Variants in MYO1D observed in about 807,000 individuals in gnomAD.
MYO1D encodes the protein unconventional myosin-Id.
A neutral mutation model predicts 122.0 loss-of-function variants in MYO1D; 83 were observed. That is an observed-to-expected ratio of 0.68 (90% CI 0.57 to 0.82). MYO1D has a LOEUF of 0.82. Among genes scored for constraint, MYO1D ranks in the 40% least tolerant of loss-of-function variants. MYO1D has a pLI of 0.00. For missense variants in MYO1D, 1,157 were observed against 1,269.5 expected, an observed-to-expected ratio of 0.91 and a Z score of 1.35; for synonymous variants, 464 against 446.9, an observed-to-expected ratio of 1.04 and a Z score of -0.48.
At chr17:32,712,272 A>T in intron 15 of MYO1D, 77 bp from the exon 16 acceptor site, 1 of 1,329,314 alleles carries the variant, frequency 7.5e-7, no homozygotes, top group Non-Finnish European at 1.1e-6. Flanking sequence ...AATAAAATGC[A>T]AGACACCTCA....
intron 20 of MYO1D, among the ~76,000 whole-genome samples, chr17:32,629,834 G>T (rs1402316878): frequency 6.6e-6 from 1 of 152,180 alleles, no homozygotes; most frequent in Non-Finnish European, 1.5e-5. Context: ...AGACTAAAGG[G>T]AAAAGGAAGT....
chr17:32,531,014 A>G (rs1409609232), intron 21 of MYO1D, among the ~76,000 whole-genome samples: 3 of 151,632 alleles, frequency 2.0e-5, no homozygotes, highest in East Asian at 3.9e-4. Context: ...TGGAGAACTG[A>G]TCCTCCCTCA....
intron 16 of MYO1D, among the ~76,000 whole-genome samples, chr17:32,675,594 T>C (rs1370318227): frequency 6.6e-6 from 1 of 152,178 alleles, no homozygotes; most frequent in Non-Finnish European, 1.5e-5. Context: ...CTGTTGAATC[T>C]ATTATTTTAA....
intron 1 of MYO1D, among the ~76,000 whole-genome samples, chr17:32,790,002 A>G (rs1050379707): frequency 9.2e-5 from 14 of 152,226 alleles, no homozygotes; most frequent in African/African-American, 3.1e-4. Flanking sequence ...TTCAATAAAA[A>G]TGTCTCATTC....
At chr17:32,523,020 T>A (rs1365440560) in intron 21 of MYO1D, among the ~76,000 whole-genome samples, 2 of 152,188 alleles carry the variant, frequency 1.3e-5, no homozygotes, top group Non-Finnish European at 1.5e-5. Context: ...TTTCACCATG[T>A]TAGCCAGGAT....
chr17:32,502,322 T>C (rs1220095685), intron 21 of MYO1D, among the ~76,000 whole-genome samples: 1 of 152,210 alleles, frequency 6.6e-6, no homozygotes, highest in African/African-American at 2.4e-5. Flanking sequence ...GGCTACATAT[T>C]GTATAACTAC....
rs1436417828 is a variant in MYO1D, at chr17:32,766,653, G to A, written c.831+983C>T. Among the ~76,000 whole-genome samples, 16 of 152,074 alleles carry A rather than the reference G, an allele frequency of 1.1e-4. 1 individual carries two copies. The highest frequency in any genetic ancestry group is 9.8e-4 in the Admixed American group (15 of 15,266). ...TAAAAATAAAAAAAATTAGCCAGGC[G>A]TGGTGGCAGGCGCCTGTAGTCCCAG... is the stretch of plus-strand genomic sequence containing the variant. On this transcript the variant is annotated intron_variant, in intron 7 of 21. Transcript: ENST00000318217.
At chr17:32,709,916 A>C (rs1250369434) in intron 16 of MYO1D, among the ~76,000 whole-genome samples, 1 of 152,142 alleles carries the variant, frequency 6.6e-6, no homozygotes, top group Non-Finnish European at 1.5e-5. Flanking sequence ...ATTAACCATG[A>C]ATTCATAGGG....
At chr17:32,553,439 C>T (rs1459721546) in intron 21 of MYO1D, among the ~76,000 whole-genome samples, 4 of 152,056 alleles carry the variant, frequency 2.6e-5, no homozygotes, top group African/African-American at 9.7e-5. Flanking sequence ...GTGGAGGAAG[C>T]AGTGTGTGCA....
intron 20 of MYO1D, among the ~76,000 whole-genome samples, chr17:32,626,851 A>G (rs1006370881): frequency 1.3e-5 from 2 of 152,222 alleles, no homozygotes; most frequent in African/African-American, 4.8e-5. Flanking sequence ...AAGTATTTTA[A>G]AACGACGTGG....
intron 21 of MYO1D, among the ~76,000 whole-genome samples, chr17:32,557,276 G>T (rs1337062050): frequency 3.3e-5 from 5 of 151,744 alleles, no homozygotes. Flanking sequence ...CCGCTACCAC[G>T]CCCGGCTAAT....
At chr17:32,745,327 G>A in intron 12 of MYO1D, 42 bp from the exon 13 acceptor site, 1 of 1,295,436 alleles carries the variant, frequency 7.7e-7, no homozygotes, top group East Asian at 2.4e-5. Context: ...CATTTACCAA[G>A]CAAGAGCCAC....
chr17:32,741,933 T>G (rs1333871461), intron 13 of MYO1D, among the ~76,000 whole-genome samples: 1 of 148,218 alleles, frequency 6.7e-6, no homozygotes, highest in Non-Finnish European at 1.5e-5. Flanking sequence ...GAGAATGGCA[T>G]GAACCTGGGA....
chr17:32,843,696 A>G (rs1403816804), intron 1 of MYO1D, among the ~76,000 whole-genome samples: 2 of 152,230 alleles, frequency 1.3e-5, no homozygotes, highest in Non-Finnish European at 2.9e-5. Flanking sequence ...GATCCTACAG[A>G]CAAGGTGTAA....
At chr17:32,600,180 C>G (rs111841132) in intron 21 of MYO1D, among the ~76,000 whole-genome samples, 39 of 152,278 alleles carry the variant, frequency 2.6e-4, no homozygotes, top group African/African-American at 8.9e-4. Flanking sequence ...TTAAAATATT[C>G]AGCAAACTAT....
intron 21 of MYO1D, among the ~76,000 whole-genome samples, chr17:32,604,197 A>G (rs1038956922): frequency 8.4e-6 from 1 of 119,572 alleles, no homozygotes; most frequent in Non-Finnish European, 1.9e-5. Context: ...ACTGAAAAAA[A>G]AAAACATACT....
At chr17:32,670,854 T>C (rs1440646177) in intron 16 of MYO1D, among the ~76,000 whole-genome samples, 1 of 152,204 alleles carries the variant, frequency 6.6e-6, no homozygotes, top group Non-Finnish European at 1.5e-5. Context: ...TGTTGCTCAA[T>C]AAAATGTTCT....
At position 32,780,515 on chromosome 17, in the gene MYO1D, G is replaced by C. The variant is rs78809440; in HGVS notation, c.304+61C>G. ...TATTTAATCAATTGTTTGGATTCTT[G>C]AGTATCAAACAAATTAAACACATTG... On this transcript the variant is annotated intron_variant, in intron 2 of 21. Transcript: ENST00000318217. 586 of 1,499,178 alleles carry C rather than the reference G, an allele frequency of 3.9e-4. 6 individuals are homozygous for C. The East Asian group carries it at 0.013, about 33-fold the overall frequency. The allele number at this position is 1,499,178 out of a possible 1,614,324, so 92.9% of individuals were successfully genotyped here.
intron 21 of MYO1D, among the ~76,000 whole-genome samples, chr17:32,564,170 G>T (rs1323043026): frequency 1.3e-5 from 2 of 152,312 alleles, no homozygotes; most frequent in South Asian, 4.1e-4. Flanking sequence ...CCCTGCCTGG[G>T]GGCAGTAAGC....
Sources: gnomAD v4.1 joint callset for allele counts (sites outside exome capture counted in the v4.1 genomes callset) on GRCh38, gnomAD v4.1.1 for gene constraint, MANE v1.5 for transcripts, NCBI Gene and HGNC (gene_info 2026-07-23, HGNC 2026-07-21) for gene names.